Variants in PHACTR3 observed in about 807,000 individuals in gnomAD.
The protein encoded by PHACTR3 is protein phosphatase 1, regulatory subunit 123.
PHACTR3 carries 16 observed loss-of-function variants against 66.8 expected under a neutral mutation model. The ratio of observed to expected loss-of-function variants is 0.24; its 90% CI spans 0.16 to 0.36. The LOEUF (loss-of-function observed/expected upper bound fraction) is 0.36, where lower values mean the gene tolerates loss of function less well. PHACTR3 is among the 10% of genes least tolerant of loss of function. The pLI is 1.00. For synonymous variants in PHACTR3, 323 were observed against 292.1 expected, an observed-to-expected ratio of 1.11 and a Z score of -1.08; for missense variants, 647 against 719.9, an observed-to-expected ratio of 0.90 and a Z score of 1.16.
At chr20:59,807,571 A>G (rs2041607217) in intron 8 of PHACTR3, among the ~76,000 whole-genome samples, 1 of 152,340 alleles carries the variant, frequency 6.6e-6, no homozygotes, top group East Asian at 1.9e-4. Context: ...CAGCAGTAAC[A>G]TAGTCCTTTC....
In PHACTR3 at chr20:59,729,972, C is replaced by G. The variant is rs565259229; in HGVS notation, c.119-13135C>G. Among the ~76,000 whole-genome samples, 28 of 152,312 alleles carry G rather than the reference C, an allele frequency of 1.8e-4. No individual in the cohort carries two copies. In the East Asian group the frequency reaches 5.2e-3, roughly 28 times the overall value. ...GCTCTATTCTGCAGGATTTAAGCTT[C>G]AGATGGGCCTAGACTGGTATGCACA... On this transcript the variant is annotated intron_variant, in intron 1 of 12. Coordinates refer to ENST00000371015, the MANE Select transcript of PHACTR3 (RefSeq NM_080672.5).
chr20:59,685,640 G>T (rs1297496047), intron 1 of PHACTR3, among the ~76,000 whole-genome samples: 1 of 152,138 alleles, frequency 6.6e-6, no homozygotes, highest in African/African-American at 2.4e-5. Flanking sequence ...GAACTCGTCA[G>T]ACCATCTCCC....
At chr20:59,697,176 T>C (rs1047058287) in intron 1 of PHACTR3, among the ~76,000 whole-genome samples, 1 of 152,054 alleles carries the variant, frequency 6.6e-6, no homozygotes, top group Non-Finnish European at 1.5e-5. Context: ...AAGGTGGAAA[T>C]AAATCTCCCG....
intron 1 of PHACTR3, among the ~76,000 whole-genome samples, chr20:59,688,660 AC>A (rs2036987950): frequency 6.6e-6 from 1 of 151,436 alleles, no homozygotes; most frequent in Non-Finnish European, 1.5e-5. Flanking sequence ...TCTCTCCCTG[AC>A]CTTTTTTTGA....
chr20:59,602,438 T>C (rs1173263791), upstream of PHACTR3, among the ~76,000 whole-genome samples: 1 of 112,352 alleles, frequency 8.9e-6, no homozygotes, highest in Admixed American at 9.9e-5. Context: ...CAAAACTCTT[T>C]CAAAAAAAAA....
At chr20:59,682,916 A>G (rs1303725117) in intron 1 of PHACTR3, among the ~76,000 whole-genome samples, 1 of 152,152 alleles carries the variant, frequency 6.6e-6, no homozygotes, top group East Asian at 1.9e-4. Context: ...TCTGAGTGTG[A>G]CGGGTCGGGG....
At chr20:59,629,692 A>G (rs1281099035) in intron 1 of PHACTR3, among the ~76,000 whole-genome samples, 5 of 152,246 alleles carry the variant, frequency 3.3e-5, no homozygotes, top group Admixed American at 6.5e-5. Context: ...ATGGAGCGGA[A>G]TAAACACGGT....
intron 1 of PHACTR3, among the ~76,000 whole-genome samples, chr20:59,730,852 C>T (rs1456537037): frequency 1.3e-5 from 2 of 152,122 alleles, no homozygotes; most frequent in Admixed American, 6.5e-5. Flanking sequence ...AGCTGAGTGG[C>T]GGCAGCAGAG....
At chr20:59,601,649 G>T (rs2426801), upstream of PHACTR3, among the ~76,000 whole-genome samples, 152,323 of 152,352 alleles carry the variant, frequency 1, 76,147 homozygotes, top group Middle Eastern at 1. Flanking sequence ...AAGTCTCTCC[G>T]GCAGGCAATT....
At chr20:59,805,362 G>A (rs1297082530) in intron 7 of PHACTR3, among the ~76,000 whole-genome samples, 1 of 152,246 alleles carries the variant, frequency 6.6e-6, no homozygotes, top group Non-Finnish European at 1.5e-5. Context: ...CACCCTGCTA[G>A]GACATGGGCG....
Position 59,706,631 on chromosome 20 carries a change from C to T in PHACTR3, c.119-36476C>T, listed in dbSNP as rs370069115. Among the ~76,000 whole-genome samples, 5 of 152,224 alleles carry T rather than the reference C, an allele frequency of 3.3e-5. No homozygotes were observed. In the East Asian group the frequency reaches 7.7e-4, roughly 23 times the overall value. On this transcript the variant is annotated intron_variant, in intron 1 of 12. Coordinates refer to ENST00000371015, the MANE Select transcript of PHACTR3 (RefSeq NM_080672.5). Reference sequence around the variant, plus strand: ...AGCTTGTTCCTATAAAGAGAGCCCTCTCCCCAAGAGCTGGTAATTGGGGAA... The same window carrying T: ...AGCTTGTTCCTATAAAGAGAGCCCTTTCCCCAAGAGCTGGTAATTGGGGAA...
chr20:59,604,899 T>TC lies in PHACTR3; in HGVS notation c.-116_-115insC. 2.8e-6 allele frequency: 3 copies of TC among 1,056,116 alleles called. No individual in the cohort carries two copies. The highest frequency in any genetic ancestry group is 3.4e-6 in the Non-Finnish European group (3 of 878,230). 65.4% of individuals were successfully genotyped at this position (1,056,116 alleles called of 1,614,324 possible). On this transcript the variant is annotated 5_prime_UTR_variant, in exon 1 of 13. Coordinates refer to ENST00000371015, the MANE Select transcript of PHACTR3 (RefSeq NM_080672.5). ...GGCCTTTTTTTTTTTTTTTTTTTTT[T>TC]AATTTTCTTTTTTAAAAAGACGCCC...
At chr20:59,676,833 T>C in intron 1 of PHACTR3, 1 of 736,622 alleles carries the variant, frequency 1.4e-6, no homozygotes, top group Non-Finnish European at 1.7e-6. Context: ...GCAGGCTTCT[T>C]AAAGGCAAAG....
At chr20:59,663,321 G>C (rs1202306358) in intron 1 of PHACTR3, among the ~76,000 whole-genome samples, 2 of 152,318 alleles carry the variant, frequency 1.3e-5, no homozygotes, top group Admixed American at 6.5e-5. Flanking sequence ...GAGGGAGGCG[G>C]ATTTGCTAAG....
At chr20:59,727,215 T>G (rs6027059) in intron 1 of PHACTR3, among the ~76,000 whole-genome samples, 109,953 of 152,044 alleles carry the variant, frequency 0.72, 40,108 homozygotes, top group East Asian at 0.77. Flanking sequence ...TGGCCGGCTG[T>G]CCCCATGCAG....
intron 3 of PHACTR3, among the ~76,000 whole-genome samples, chr20:59,750,590 C>T (rs776232195): frequency 1.1e-4 from 17 of 152,272 alleles, no homozygotes; most frequent in Middle Eastern, 3.4e-3. Flanking sequence ...TGGGTCAAGA[C>T]GCCTCCCGTC....
rs137865174 is a variant in PHACTR3 at position 59,831,853 on chromosome 20, G to A, written c.1329-4652G>A. Reference sequence around the variant, plus strand: ...ACAGGCTGCTCCCCTTGCCTGCGCCGGCTCTGGGGGTCTGCTCTCACAGAG... The same window carrying A: ...ACAGGCTGCTCCCCTTGCCTGCGCCAGCTCTGGGGGTCTGCTCTCACAGAG... On this transcript the variant is annotated intron_variant, in intron 8 of 12. Coordinates refer to ENST00000371015, the MANE Select transcript of PHACTR3 (RefSeq NM_080672.5). Among the ~76,000 whole-genome samples, 220 of 152,322 alleles carry A rather than the reference G, an allele frequency of 1.4e-3. 1 individual carries two copies. The highest frequency in any genetic ancestry group is 2.5e-3 in the Admixed American group (38 of 15,308).
intron 1 of PHACTR3, among the ~76,000 whole-genome samples, chr20:59,692,771 A>G (rs959627306): frequency 6.6e-6 from 1 of 152,162 alleles, no homozygotes; most frequent in Non-Finnish European, 1.5e-5. Context: ...ATCCCTTATG[A>G]CCTTGGGCAA....
intron 1 of PHACTR3, among the ~76,000 whole-genome samples, chr20:59,720,105 C>T (rs567141091): frequency 6.6e-6 from 1 of 152,128 alleles, no homozygotes; most frequent in African/African-American, 2.4e-5. Context: ...AGACCTAAAA[C>T]GAGGAAGGGG....
Sources: gnomAD v4.1 joint callset for allele counts (sites outside exome capture counted in the v4.1 genomes callset) on GRCh38, gnomAD v4.1.1 for gene constraint, MANE v1.5 for transcripts, NCBI Gene and HGNC (gene_info 2026-07-23, HGNC 2026-07-21) for gene names.